Variants in NSUN3 observed in about 807,000 individuals in gnomAD.
The protein encoded by NSUN3 is NOP2/Sun RNA methyltransferase 3, also known as tRNA (cytosine(34)-C(5))-methyltransferase, mitochondrial.
Under a neutral mutation model 36.8 loss-of-function variants are expected in NSUN3, and 24 were observed. The ratio of observed to expected loss-of-function variants is 0.65; its 90% confidence interval spans 0.47 to 0.92. The LOEUF (loss-of-function observed/expected upper bound fraction) is 0.92, where lower values mean the gene tolerates loss of function less well. NSUN3 is among the 40% of genes least tolerant of loss of function. The pLI is 0.00. For missense variants in NSUN3, 381 were observed against 392.8 expected (o/e 0.97, Z 0.25); for synonymous variants, 146 against 145.2 (o/e 1.01, Z -0.04).
chr3:94,104,413 A>G (rs991698224), intron 5 of NSUN3, among the ~76,000 whole-genome samples: 1 of 152,114 alleles, frequency 6.6e-6, no homozygotes, highest in Non-Finnish European at 1.5e-5. Flanking sequence ...TTGATCTTTT[A>G]TGTTAGCTCA....
chr3:94,120,518 A>C (rs2077456981), intron 5 of NSUN3, among the ~76,000 whole-genome samples: 2 of 152,086 alleles, frequency 1.3e-5, no homozygotes, highest in Non-Finnish European at 2.9e-5. Flanking sequence ...GAATCATGTG[A>C]TATTTCTTTT....
intron 3 of NSUN3, chr3:94,085,267 A>G (rs2077287202): frequency 6.6e-6 from 1 of 152,216 alleles, no homozygotes; most frequent in Non-Finnish European, 1.5e-5. Context: ...AATTTTTACA[A>G]TATTTACAAA....
intron 5 of NSUN3, among the ~76,000 whole-genome samples, chr3:94,118,822 C>T (rs1315378039): frequency 6.6e-6 from 1 of 152,026 alleles, no homozygotes; most frequent in Non-Finnish European, 1.5e-5. Context: ...AGTACCACAG[C>T]TTTGCCAAAG....
At chr3:94,092,902 A>AGAGC (rs2077321418) in intron 3 of NSUN3, among the ~76,000 whole-genome samples, 1 of 140,752 alleles carries the variant, frequency 7.1e-6, no homozygotes, top group Non-Finnish European at 1.5e-5. Flanking sequence ...CCTGGGCAAC[A>AGAGC]GAGCGAGACT....
chr3:94,084,562 G>A (rs546909926), intron 3 of NSUN3, 112 bp downstream of exon 3: 1 of 748,966 alleles, frequency 1.3e-6, no homozygotes, highest in East Asian at 2.7e-5. Context: ...AACTCAGGAA[G>A]CCTGAAAACT....
At chr3:94,078,877 C>T (rs1334506643) in intron 2 of NSUN3, among the ~76,000 whole-genome samples, 1 of 152,080 alleles carries the variant, frequency 6.6e-6, no homozygotes, top group Non-Finnish European at 1.5e-5. Flanking sequence ...TGGGTCTTGA[C>T]TCTTTATCCA....
chr3:94,079,458 A>G (rs561841333), intron 2 of NSUN3, among the ~76,000 whole-genome samples: 8 of 152,070 alleles, frequency 5.3e-5, no homozygotes, highest in Non-Finnish European at 8.8e-5. Context: ...TATTTCCTCA[A>G]TTTGAATTTT....
chr3:94,101,487 C>A (rs1463010878), intron 5 of NSUN3, among the ~76,000 whole-genome samples: 1 of 151,836 alleles, frequency 6.6e-6, no homozygotes, highest in Non-Finnish European at 1.5e-5. Flanking sequence ...AATATGAGTT[C>A]TTTGTATACT....
At chr3:94,080,542 G>A (rs970954196) in intron 2 of NSUN3, among the ~76,000 whole-genome samples, 4 of 152,234 alleles carry the variant, frequency 2.6e-5, no homozygotes, top group African/African-American at 7.2e-5. Context: ...CTGTCCCAGG[G>A]AGAGGGGGTT....
chr3:94,085,956 T>C (rs1318468801), intron 3 of NSUN3, among the ~76,000 whole-genome samples: 1 of 151,756 alleles, frequency 6.6e-6, no homozygotes, highest in Non-Finnish European at 1.5e-5. Context: ...CTTTTTTTTT[T>C]TTTTTGAGAT....
chr3:94,069,134 C>T (rs960023962), intron 2 of NSUN3, among the ~76,000 whole-genome samples: 2 of 152,078 alleles, frequency 1.3e-5, no homozygotes, highest in South Asian at 2.1e-4. Flanking sequence ...GCTCAGATCC[C>T]GTAGTATGAA....
chr3:94,118,337 G>A (rs1488985289), intron 5 of NSUN3, among the ~76,000 whole-genome samples: 1 of 152,120 alleles, frequency 6.6e-6, no homozygotes, highest in East Asian at 1.9e-4. Flanking sequence ...CCATTTTAGA[G>A]TATTAGGTTA....
chr3:94,095,216 G>GGC, intron 5 of NSUN3, 62 bp downstream of exon 5: 1 of 1,515,536 alleles, frequency 6.6e-7, no homozygotes, highest in South Asian at 1.2e-5. Flanking sequence ...AGGCATAATA[G>GGC]AACATGTCAG....
In NSUN3 at chr3:94,126,784, T is replaced by C; in HGVS notation, c.*294T>C. On this transcript the variant is annotated 3_prime_UTR_variant, in exon 6 of 6. Transcript: ENST00000314622. ...AAATTAATTAGAATATGTGGTTTTA[T>C]GCATAACGTGTTTAGTTCTGTATTC... The C allele has an allele frequency of 3.9e-6, 1 of 258,258 alleles. No individual in the cohort carries two copies. The highest frequency in any genetic ancestry group is 8.2e-5 in the South Asian group (1 of 12,178). The allele number at this position is 258,258 out of a possible 1,614,324, so 16.0% of individuals were successfully genotyped here.
At chr3:94,093,602 A>G (rs897168089) in intron 3 of NSUN3, among the ~76,000 whole-genome samples, 4 of 142,362 alleles carry the variant, frequency 2.8e-5, no homozygotes, top group East Asian at 4.4e-4. Flanking sequence ...AGTGATTCTT[A>G]TAACTGGGCA....
intron 2 of NSUN3, among the ~76,000 whole-genome samples, chr3:94,079,134 ATC>A (rs2077258521): frequency 6.6e-6 from 1 of 152,112 alleles, no homozygotes; most frequent in African/African-American, 2.4e-5. Flanking sequence ...TGGTAACAAA[ATC>A]TCTCAGCATT....
At position 94,080,481 on chromosome 3, in the gene NSUN3, C is replaced by T. The variant is rs996812001; in HGVS notation, c.123-3626C>T. ...TCTCTTCAGAGCCATCAGGCAGGGA[C>T]GTTTAAGTCGGCTGAAGCTGTGCCC... On this transcript the variant is annotated intron_variant, in intron 2 of 5. Coordinates refer to ENST00000314622, the MANE Select transcript of NSUN3 (RefSeq NM_022072.5). 4.6e-5 allele frequency among the ~76,000 whole-genome samples: 7 copies of T among 152,292 alleles called. No homozygotes were observed. The East Asian group carries it at 9.7e-4, about 21-fold the overall frequency.
chr3:94,084,833 A>C (rs917469725), intron 3 of NSUN3: 1 of 170,236 alleles, frequency 5.9e-6, no homozygotes, highest in Non-Finnish European at 1.3e-5. Flanking sequence ...TTTTGATGTC[A>C]ATAGACTATA....
intron 5 of NSUN3, among the ~76,000 whole-genome samples, chr3:94,116,284 C>G (rs1428173526): frequency 1.3e-5 from 2 of 152,068 alleles, no homozygotes; most frequent in Non-Finnish European, 2.9e-5. Flanking sequence ...GCAGACCTTT[C>G]AAGGATGGAG....
Sources: allele counts gnomAD v4.1 joint callset (sites outside exome capture counted in the v4.1 genomes callset), GRCh38; gene constraint gnomAD v4.1.1; transcripts MANE v1.5; gene names NCBI Gene and HGNC (gene_info 2026-07-23, HGNC 2026-07-21).